EBF2: variants seen among roughly 807,000 people sequenced by gnomAD.
EBF2 encodes EBF transcription factor 2.
Under a neutral mutation model 72.8 loss-of-function variants are expected in EBF2, and 21 were observed. That is an observed-to-expected ratio of 0.29 (90% CI 0.20 to 0.42). The LOEUF (loss-of-function observed/expected upper bound fraction) is 0.42, where lower values mean the gene tolerates loss of function less well. Among genes scored for constraint, EBF2 ranks in the 10% least tolerant of loss-of-function variants. The pLI is 1.00. For synonymous variants in EBF2, 299 were observed against 274.2 expected, an observed-to-expected ratio of 1.09 and a Z score of -0.89; for missense variants, 637 against 731.2, an observed-to-expected ratio of 0.87 and a Z score of 1.49.
rs1428038333 is a variant in EBF2 at position 26,026,643 on chromosome 8, T to C, written c.551+6442A>G. On this transcript the variant is annotated intron_variant, in intron 6 of 15. Transcript: ENST00000520164. Reference sequence around the variant, plus strand: ...GTGACTCACACAATCTCAAGTTAAATGCTACTTCAGGGGCCAACAGCACCC... The same window carrying C: ...GTGACTCACACAATCTCAAGTTAAACGCTACTTCAGGGGCCAACAGCACCC... Among the ~76,000 whole-genome samples the C allele has an allele frequency of 3.9e-5, 6 of 152,304 alleles. No individual in the cohort carries two copies. The East Asian group carries it at 9.7e-4, about 25-fold the overall frequency.
chr8:25,867,467 C>G (rs34545411), intron 10 of EBF2, among the ~76,000 whole-genome samples: 42,325 of 152,082 alleles, frequency 0.28, 6,118 homozygotes, highest in South Asian at 0.4. Flanking sequence ...CCCTCCCACC[C>G]ACTGGCTTCC....
chr8:26,036,071 C>T (rs1388212377), intron 5 of EBF2, among the ~76,000 whole-genome samples: 1 of 152,146 alleles, frequency 6.6e-6, no homozygotes, highest in Admixed American at 6.5e-5. Context: ...AACCTAACCC[C>T]AAATATGTGT....
At chr8:25,942,084 G>A (rs1225458603) in intron 6 of EBF2, among the ~76,000 whole-genome samples, 2 of 152,186 alleles carry the variant, frequency 1.3e-5, no homozygotes, top group Non-Finnish European at 2.9e-5. Context: ...AAAATTGTAA[G>A]AGGATGATGT....
intron 6 of EBF2, among the ~76,000 whole-genome samples, chr8:25,991,365 G>A (rs1182639641): frequency 6.6e-6 from 1 of 152,172 alleles, no homozygotes; most frequent in East Asian, 1.9e-4. Flanking sequence ...TGCCTATTCT[G>A]TCTAATCAGA....
chr8:26,030,659 T>C (rs1414624433), intron 6 of EBF2, among the ~76,000 whole-genome samples: 1 of 152,192 alleles, frequency 6.6e-6, no homozygotes, highest in Non-Finnish European at 1.5e-5. Flanking sequence ...ACTGGACTAT[T>C]TACAGTACCC....
chr8:25,895,461 G>A (rs1802851069), intron 7 of EBF2, among the ~76,000 whole-genome samples: 1 of 152,148 alleles, frequency 6.6e-6, no homozygotes, highest in Admixed American at 6.5e-5. Context: ...TTAATTATAT[G>A]GCAATGTTAG....
intron 6 of EBF2, among the ~76,000 whole-genome samples, chr8:26,011,272 T>G (rs1444007864): frequency 6.6e-6 from 1 of 152,248 alleles, no homozygotes; most frequent in Non-Finnish European, 1.5e-5. Flanking sequence ...TTTCTTATTT[T>G]TAGGTTGCGT....
chr8:25,929,656 C>T (rs938959509), intron 6 of EBF2, among the ~76,000 whole-genome samples: 1 of 152,070 alleles, frequency 6.6e-6, no homozygotes, highest in African/African-American at 2.4e-5. Flanking sequence ...ATGCTATCTC[C>T]CTTGTAAGTC....
chr8:25,895,858 A>G (rs1802856230), intron 7 of EBF2, among the ~76,000 whole-genome samples: 1 of 151,594 alleles, frequency 6.6e-6, no homozygotes. Flanking sequence ...ACTTATTCCT[A>G]CCCTTTGGTT....
chr8:25,887,141 GTC>G (rs1224493149), intron 9 of EBF2, among the ~76,000 whole-genome samples: 3 of 150,338 alleles, frequency 2.0e-5, no homozygotes, highest in Non-Finnish European at 3.0e-5. Context: ...CTCTCTGTCT[GTC>G]TCTCTCTCTC....
chr8:25,918,090 T>A (rs1803254014), intron 6 of EBF2, among the ~76,000 whole-genome samples: 1 of 152,180 alleles, frequency 6.6e-6, no homozygotes, highest in Admixed American at 6.5e-5. Flanking sequence ...AGCATTACTT[T>A]CCCTGAACTA....
At chr8:25,874,422 T>C (rs992673610) in intron 10 of EBF2, among the ~76,000 whole-genome samples, 1 of 138,736 alleles carries the variant, frequency 7.2e-6, no homozygotes, top group African/African-American at 2.6e-5. Flanking sequence ...AAAAAAAAAT[T>C]GTTTTTTTGC....
chr8:25,997,683 C>G (rs1176429603), intron 6 of EBF2, among the ~76,000 whole-genome samples: 1 of 151,958 alleles, frequency 6.6e-6, no homozygotes, highest in African/African-American at 2.4e-5. Flanking sequence ...AGTTCTAGAC[C>G]TGTTCTATCA....
chr8:25,881,640 C>T (rs944413922), intron 10 of EBF2, among the ~76,000 whole-genome samples: 4 of 152,228 alleles, frequency 2.6e-5, no homozygotes, highest in African/African-American at 9.6e-5. Flanking sequence ...TAGGGCTCCA[C>T]CCCTTGGCCT....
chr8:25,953,966 AG>A (rs1803903104), intron 6 of EBF2, among the ~76,000 whole-genome samples: 1 of 152,164 alleles, frequency 6.6e-6, no homozygotes, highest in African/African-American at 2.4e-5. Context: ...GACCTGTTAA[AG>A]GTTGGGCTTT....
intron 6 of EBF2, among the ~76,000 whole-genome samples, chr8:25,966,286 G>T (rs1804113904): frequency 6.6e-6 from 1 of 152,190 alleles, no homozygotes. Context: ...GGTGTATTTG[G>T]CATAAGTCGC....
chr8:25,897,395 A>T (rs1430083667), intron 7 of EBF2, among the ~76,000 whole-genome samples: 2 of 152,016 alleles, frequency 1.3e-5, no homozygotes, highest in Admixed American at 1.3e-4. Flanking sequence ...CAAGGAGTAT[A>T]CATGCAGGTT....
intron 6 of EBF2, among the ~76,000 whole-genome samples, chr8:25,951,885 T>A (rs1803868849): frequency 6.6e-6 from 1 of 152,220 alleles, no homozygotes. Context: ...TCGTCGGAAA[T>A]CATTTTTCAT....
intron 6 of EBF2, among the ~76,000 whole-genome samples, chr8:25,956,527 T>C (rs540781677): frequency 2.8e-4 from 43 of 152,212 alleles, no homozygotes; most frequent in Non-Finnish European, 5.6e-4. Context: ...ATCATCTCAA[T>C]AGTGTACCTT....
Sources: allele counts gnomAD v4.1 joint callset (sites outside exome capture counted in the v4.1 genomes callset), GRCh38; gene constraint gnomAD v4.1.1; transcripts MANE v1.5; gene names NCBI Gene and HGNC (gene_info 2026-07-23, HGNC 2026-07-21).